Variants in NPFFR2 observed in about 807,000 individuals in gnomAD.
NPFFR2 encodes neuropeptide FF receptor 2.
Under a neutral mutation model 13.1 loss-of-function variants are expected in NPFFR2, and 15 were observed. That is an observed-to-expected ratio of 1.15 (90% CI 0.77 to 1.76). The LOEUF (loss-of-function observed/expected upper bound fraction) is 1.76, where lower values mean the gene tolerates loss of function less well. Ranked by LOEUF, NPFFR2 falls within the 40% of genes most tolerant of loss-of-function variation. NPFFR2 has a pLI of 0.00. For synonymous variants in NPFFR2, 190 were observed against 175.7 expected (o/e 1.08, Z -0.65); for missense variants, 572 against 503.5 (o/e 1.14, Z -1.30).
At chr4:72,042,364 C>T (rs544752958) in intron 1 of NPFFR2, among the ~76,000 whole-genome samples, 22 of 152,100 alleles carry the variant, frequency 1.4e-4, no homozygotes, top group South Asian at 6.2e-4. Flanking sequence ...CGTATAGCGG[C>T]GTGAGAATGG....
At position 72,087,184 on chromosome 4, in the gene NPFFR2, G is replaced by A. The variant is rs566524555; in HGVS notation, c.-7-41401G>A. On this transcript the variant is annotated intron_variant, in intron 1 of 3. Coordinates refer to ENST00000308744, the MANE Select transcript of NPFFR2 (RefSeq NM_004885.3). ...GGTACATGCCAGCTCGTAGGAGTTCGATTTAACATTCACCTCTAAGCACTG... is the reference window on the plus strand; with the variant it reads ...GGTACATGCCAGCTCGTAGGAGTTCAATTTAACATTCACCTCTAAGCACTG... 3.3e-5 allele frequency among the ~76,000 whole-genome samples: 5 copies of A among 152,074 alleles called. No individual in the cohort carries two copies. The South Asian group carries it at 1.0e-3, about 32-fold the overall frequency.
At chr4:72,124,343 A>G (rs1258222309) in intron 1 of NPFFR2, among the ~76,000 whole-genome samples, 2 of 152,178 alleles carry the variant, frequency 1.3e-5, no homozygotes, top group African/African-American at 4.8e-5. Context: ...TATAGAGTCA[A>G]TGCTATCCCC....
intron 1 of NPFFR2, among the ~76,000 whole-genome samples, chr4:72,088,397 A>T (rs939922374): frequency 8.0e-5 from 12 of 150,926 alleles, no homozygotes; most frequent in African/African-American, 7.3e-5. Context: ...AGCAGATTTT[A>T]AAAAAATTAT....
chr4:72,049,762 C>T (rs983365914), intron 1 of NPFFR2, among the ~76,000 whole-genome samples: 80 of 151,002 alleles, frequency 5.3e-4, no homozygotes, highest in African/African-American at 1.8e-3. Flanking sequence ...TTCCCAGCTC[C>T]TGGCCAGACC....
At chr4:72,056,619 T>C (rs1201447203) in intron 1 of NPFFR2, among the ~76,000 whole-genome samples, 2 of 152,058 alleles carry the variant, frequency 1.3e-5, no homozygotes, top group African/African-American at 2.4e-5. Flanking sequence ...CTTCTTCTGA[T>C]GGACATGGGC....
chr4:72,038,247 T>A (rs1021947721), intron 1 of NPFFR2, among the ~76,000 whole-genome samples: 3 of 152,208 alleles, frequency 2.0e-5, no homozygotes, highest in Non-Finnish European at 4.4e-5. Flanking sequence ...ATTGTCTGAT[T>A]TGTGTCAAAG....
chr4:72,032,915 C>T (rs1718962635), intron 1 of NPFFR2, among the ~76,000 whole-genome samples: 1 of 152,172 alleles, frequency 6.6e-6, no homozygotes, highest in African/African-American at 2.4e-5. Context: ...TCTCCCATTT[C>T]CCCTCAGCTA....
At position 72,141,086 on chromosome 4, in the gene NPFFR2, C is replaced by T. The variant is rs572605355; in HGVS notation, c.428+2947C>T. Among the ~76,000 whole-genome samples, 63 of 152,080 alleles carry T rather than the reference C, an allele frequency of 4.1e-4. 2 individuals are homozygous for T. The East Asian group carries it at 6.4e-3, about 15-fold the overall frequency. ...TATTCTCTGATAGTAGTTTGTATTT[C>T]TGTGGGATCAGTGGTGATATCCCCT... On this transcript the variant is annotated intron_variant, in intron 3 of 3. Transcript: ENST00000308744.
At position 72,032,108 on chromosome 4, in the gene NPFFR2, A is replaced by T; in HGVS notation, c.-100A>T. On this transcript the variant is annotated 5_prime_UTR_variant, in exon 1 of 4. Transcript: ENST00000308744. ...TGGGATTGAGCCGGCAGACTGCGAA[A>T]AGTAGCTGGAGCCGGAGCAGGGACA... 1 of 1,614,076 alleles carries T rather than the reference A, an allele frequency of 6.2e-7. No homozygotes were observed. The highest frequency in any genetic ancestry group is 1.1e-5 in the South Asian group (1 of 91,068).
At chr4:72,091,403 G>A (rs1226296353) in intron 1 of NPFFR2, among the ~76,000 whole-genome samples, 1 of 152,042 alleles carries the variant, frequency 6.6e-6, no homozygotes, top group Non-Finnish European at 1.5e-5. Flanking sequence ...CAATAGGATT[G>A]GTACTAATTC....
intron 1 of NPFFR2, among the ~76,000 whole-genome samples, chr4:72,044,668 A>T (rs979896694): frequency 1.3e-5 from 2 of 151,984 alleles, no homozygotes; most frequent in African/African-American, 2.4e-5. Flanking sequence ...ATTTTTTTTC[A>T]TGTAGCCATT....
chr4:72,135,217 T>C (rs959493794), intron 2 of NPFFR2, among the ~76,000 whole-genome samples: 1 of 152,190 alleles, frequency 6.6e-6, no homozygotes, highest in Non-Finnish European at 1.5e-5. Flanking sequence ...TCCCTAATGT[T>C]CTCAATTCCA....
At chr4:72,033,816 G>C (rs1274257489) in intron 1 of NPFFR2, among the ~76,000 whole-genome samples, 1 of 152,070 alleles carries the variant, frequency 6.6e-6, no homozygotes, top group Non-Finnish European at 1.5e-5. Flanking sequence ...AAAGACTATA[G>C]GTTGAATAAA....
intron 1 of NPFFR2, among the ~76,000 whole-genome samples, chr4:72,092,294 A>G (rs1560408808): frequency 6.6e-6 from 1 of 152,094 alleles, no homozygotes. Context: ...TTTGCTGATG[A>G]ATAGAATGTA....
At chr4:72,059,026 T>C (rs1719842845) in intron 1 of NPFFR2, among the ~76,000 whole-genome samples, 3 of 152,104 alleles carry the variant, frequency 2.0e-5, no homozygotes, top group Non-Finnish European at 4.4e-5. Flanking sequence ...TCTTTCCCTT[T>C]GGAGGGAATA....
At chr4:72,131,103 C>T (rs1722224960) in intron 2 of NPFFR2, among the ~76,000 whole-genome samples, 1 of 151,928 alleles carries the variant, frequency 6.6e-6, no homozygotes, top group Non-Finnish European at 1.5e-5. Flanking sequence ...TCTGCCGCAC[C>T]ACTCTGCTGC....
In NPFFR2 at chr4:72,042,043, T is replaced by A. The variant is rs145593159; in HGVS notation, c.-8+9843T>A. Among the ~76,000 whole-genome samples the A allele has an allele frequency of 1.0e-2, 1,516 of 152,272 alleles. 24 individuals carry two copies. The highest frequency in any genetic ancestry group is 0.035 in the African/African-American group (1,444 of 41,536). ...TTGTTGCAATTGCTTTTGAGGTTTA[T>A]AAATTCTTTGCCATGGCCAATAATA... On this transcript the variant is annotated intron_variant, in intron 1 of 3. Coordinates refer to ENST00000308744, the MANE Select transcript of NPFFR2 (RefSeq NM_004885.3).
In NPFFR2 at chr4:72,142,240, G is replaced by A. The variant is rs111451553; in HGVS notation, c.428+4101G>A. On this transcript the variant is annotated intron_variant, in intron 3 of 3. Transcript: ENST00000308744. ...TGCCAGTCTGTGTCTTTTAATTGGG[G>A]CATTTATCGCATTTACATTTAAGGT... is the stretch of plus-strand genomic sequence containing the variant. Among the ~76,000 whole-genome samples the A allele has an allele frequency of 2.9e-3, 448 of 152,158 alleles. 3 individuals are homozygous for A. The highest frequency in any genetic ancestry group is 0.01 in the Middle Eastern group (3 of 294).
chr4:72,032,483 C>T (rs183358112), intron 1 of NPFFR2, among the ~76,000 whole-genome samples: 1 of 152,308 alleles, frequency 6.6e-6, no homozygotes. Flanking sequence ...AAAGTTCCCC[C>T]CAAGCCCTCT....
Sources: allele counts gnomAD v4.1 joint callset (sites outside exome capture counted in the v4.1 genomes callset), GRCh38; gene constraint gnomAD v4.1.1; transcripts MANE v1.5; gene names NCBI Gene and HGNC (gene_info 2026-07-23, HGNC 2026-07-21).